RIPK2: variants seen among roughly 807,000 people sequenced by gnomAD.
RIPK2 encodes receptor-interacting serine/threonine-protein kinase 2.
Under a neutral mutation model 60.9 loss-of-function variants are expected in RIPK2, and 38 were observed. That is an observed-to-expected ratio of 0.62 (90% confidence interval 0.48 to 0.82). The LOEUF (loss-of-function observed/expected upper bound fraction) is 0.82. Ranked by LOEUF, RIPK2 falls within the 40% of genes least tolerant of loss-of-function variation. The pLI, the probability that RIPK2 is intolerant of heterozygous loss-of-function variation, is 0.00. For synonymous variants in RIPK2, 225 were observed against 223.4 expected (o/e 1.01, Z -0.06); for missense variants, 518 against 647.0 (o/e 0.80, Z 2.16).
chr8:89,765,369 C>T lies in RIPK2; in HGVS notation c.356C>T (p.Pro119Leu). The T allele has an allele frequency of 1.2e-6, 2 of 1,609,856 alleles. No homozygotes were observed. The highest frequency in any genetic ancestry group is 2.2e-5 in the East Asian group (1 of 44,694). Residue 119 changes from proline to leucine, a missense_variant, in exon 3 of 11, where the codon CCA becomes CTA. By Grantham distance (98) the Pro-to-Leu change is moderately conservative (BLOSUM62 -3). Coordinates refer to ENST00000220751, the MANE Select transcript of RIPK2 (RefSeq NM_003821.6). Reference protein sequence around the residue: ...RKTEYPDVAWPLRFRILHEIA... With the variant: ...RKTEYPDVAWLLRFRILHEIA... ...ACTGAATATCCTGATGTTGCTTGGC[C>T]ATTGAGATTTCGCATCCTGCATGAA...
At position 89,790,731 on chromosome 8, in the gene RIPK2, T is replaced by C; in HGVS notation, c.*315T>C. 1 of 224,656 alleles carries C rather than the reference T, an allele frequency of 4.5e-6. No individual in the cohort carries two copies. The highest frequency in any genetic ancestry group is 8.8e-6 in the Non-Finnish European group (1 of 113,652). 13.9% of individuals were successfully genotyped at this position (224,656 alleles called of 1,614,324 possible). ...GATGGAAGCCATTTTCACATTCATG[T>C]TCTTCATGGATTATTTGTTACTTGT... On this transcript the variant is annotated 3_prime_UTR_variant, in exon 11 of 11. Coordinates refer to ENST00000220751, the MANE Select transcript of RIPK2 (RefSeq NM_003821.6).
At chr8:89,760,987 TCA>T (rs773254375) in intron 1 of RIPK2, among the ~76,000 whole-genome samples, 5 of 152,204 alleles carry the variant, frequency 3.3e-5, no homozygotes, top group Non-Finnish European at 7.3e-5. Flanking sequence ...AAAATGGGTC[TCA>T]CAAACTGATA....
Position 89,784,119 on chromosome 8 carries a change from G to A in RIPK2, c.1009G>A (p.Val337Ile), listed in dbSNP as rs199850869. The A allele has an allele frequency of 3.3e-4, 277 of 848,890 alleles. No homozygotes were observed. The highest frequency in any genetic ancestry group is 3.2e-3 in the Middle Eastern group (9 of 2,824). 52.6% of individuals were successfully genotyped at this position (848,890 alleles called of 1,614,324 possible). A position where few individuals can be genotyped will look rare whatever the true frequency, so the allele number is the denominator to read the frequency against. ...KKMELSLNIP[V>I]NHGPQEESCG... is the part of the protein sequence containing the mutation. ...AATGGAATTATCTCTGAACATACCT[G>A]TAAATCATGGTCCACAAGAGGTAAA... Residue 337 changes from valine to isoleucine, a missense_variant, in exon 8 of 11, where the codon GTA (valine) becomes ATA (isoleucine). This residue lies in a region of RIPK2 where 448 missense variants were observed against 534.7 expected (regional missense o/e 0.84). Coordinates refer to ENST00000220751, the MANE Select transcript of RIPK2 (RefSeq NM_003821.6).
At position 89,762,811 on chromosome 8, in the gene RIPK2, T is replaced by C. The variant is rs1809168236; in HGVS notation, c.174-18T>C. On this transcript the variant is annotated intron_variant, in intron 1 of 10. Transcript: ENST00000220751. ...TATTTTTTTATTACTTGAATAATTA[T>C]GCATTTTTTTTTCTTAGTGAAAGAA... The C allele has an allele frequency of 1.6e-6, 2 of 1,276,486 alleles. No individual in the cohort carries two copies. The highest frequency in any genetic ancestry group is 2.6e-5 in the Admixed American group (1 of 39,154). The allele number at this position is 1,276,486 out of a possible 1,614,324, so 79.1% of individuals were successfully genotyped here.
chr8:89,788,942 G>A (rs1345060963), intron 9 of RIPK2, among the ~76,000 whole-genome samples: 1 of 152,220 alleles, frequency 6.6e-6, no homozygotes, highest in African/African-American at 2.4e-5. Flanking sequence ...TTAAGTCCCT[G>A]AGGCTCAGTG....
In RIPK2 at chr8:89,758,201, G is replaced by A. The variant is rs1386709789; in HGVS notation, c.141G>A (p.Lys47=). The change falls in exon 1 of 11, where the codon AAG becomes AAA. Residue 47 remains lysine, a synonymous_variant. Coordinates refer to ENST00000220751, the MANE Select transcript of RIPK2 (RefSeq NM_003821.6). ...HADWRVQVAV[K]HLHIHTPLLD... is the part of the protein sequence containing the mutation. ...ACTGGCGCGTCCAGGTGGCCGTGAAGCACCTGCACATCCACACTCCGCTGC... is the reference window on the plus strand; with the variant it reads ...ACTGGCGCGTCCAGGTGGCCGTGAAACACCTGCACATCCACACTCCGCTGC... 2 of 1,609,984 alleles carry A rather than the reference G, an allele frequency of 1.2e-6. No individual in the cohort carries two copies. The highest frequency in any genetic ancestry group is 3.3e-5 in the Admixed American group (2 of 59,802).
Position 89,788,300 on chromosome 8 carries a change from G to A in RIPK2, c.1124-1021G>A, listed in dbSNP as rs183684961. The stretch of plus-strand genomic sequence containing the variant: ...AGGGGTTGCAGTGAGCTGAGATTGC[G>A]CCACTGCACTCCATCCTGAGTGACA... On this transcript the variant is annotated intron_variant, in intron 9 of 10. Coordinates refer to ENST00000220751, the MANE Select transcript of RIPK2 (RefSeq NM_003821.6). 4.2e-4 allele frequency among the ~76,000 whole-genome samples: 64 copies of A among 150,840 alleles called. No individual in the cohort carries two copies. In the East Asian group the frequency reaches 0.012, roughly 28 times the overall value.
rs55784154 is a variant in RIPK2, at chr8:89,779,310, G to GTTTTTTTTTTTTTTTTTTTTTTT, written c.854-743_854-742insTTTTTTTTTTTTTTTTTTTTTTT. On this transcript the variant is annotated intron_variant, in intron 6 of 10. Coordinates refer to ENST00000220751, the MANE Select transcript of RIPK2 (RefSeq NM_003821.6). Reference sequence around the variant, plus strand: ...AGTCCAATTTTTAGGCGGTTTTTGGGTTTTTTTTTTTTTTTTTTTTTTGAG... The same window carrying GTTTTTTTTTTTTTTTTTTTTTTT: ...AGTCCAATTTTTAGGCGGTTTTTGGGTTTTTTTTTTTTTTTTTTTTTTTTTTTTTTTTTTTTTTTTTTTTTGAG... 2.5e-5 allele frequency among the ~76,000 whole-genome samples: 2 copies of GTTTTTTTTTTTTTTTTTTTTTTT among 79,094 alleles called. 1 individual carries two copies. Among genetic ancestry groups the GTTTTTTTTTTTTTTTTTTTTTTT allele is most frequent in the Non-Finnish European group, 4.2e-5 (2 of 47,182 alleles). 51.9% of individuals were successfully genotyped at this position (79,094 alleles called of 152,430 possible).
chr8:89,771,900 A>C (rs1809318914), intron 5 of RIPK2, 110 bp downstream of exon 5: 1 of 753,936 alleles, frequency 1.3e-6, no homozygotes, highest in African/African-American at 1.8e-5. Context: ...TTTGTGGAAA[A>C]CACACTAAAA....
rs145012807 is a variant in RIPK2, at chr8:89,789,330, A to C, written c.1133A>C (p.Gln378Pro). ...QDNDFLSRKA[Q>P]DCYFMKLHHC... ...ATGTTGTATTTTGTAGGAAAAGCTC[A>C]AGACTGTTATTTTATGAAGCTGCAT... The change falls in exon 10 of 11, where the codon CAA (glutamine) becomes CCA (proline). Residue 378 changes from glutamine (Q) to proline (P), a missense_variant. This residue lies in a region of RIPK2 where 448 missense variants were observed against 534.7 expected (regional missense o/e 0.84). Coordinates refer to ENST00000220751, the MANE Select transcript of RIPK2 (RefSeq NM_003821.6). 6.2e-7 allele frequency: 1 copy of C among 1,613,664 alleles called. No individual in the cohort carries two copies. Among genetic ancestry groups the C allele is most frequent in the Non-Finnish European group, 8.5e-7 (1 of 1,179,810 alleles).
chr8:89,790,558 TG>T lies in RIPK2; in HGVS notation c.*143del. The T allele has an allele frequency of 8.9e-6, 5 of 564,376 alleles. No individual in the cohort carries two copies. Among genetic ancestry groups the T allele is most frequent in the Non-Finnish European group, 1.5e-5 (5 of 335,094 alleles). The allele number at this position is 564,376 out of a possible 1,614,324, so 35.0% of individuals were successfully genotyped here. ...AAATATTAGTCTCCCTCCATGACAC[TG>T]CAGTATTTTTTTTAATTAATACAAG... On this transcript the variant is annotated 3_prime_UTR_variant, in exon 11 of 11. Transcript: ENST00000220751.
intron 6 of RIPK2, among the ~76,000 whole-genome samples, chr8:89,777,867 G>A (rs1159511056): frequency 1.3e-5 from 2 of 151,898 alleles, no homozygotes; most frequent in Non-Finnish European, 1.5e-5. Flanking sequence ...AGCAGATTCT[G>A]GGAACCTGAA....
At chr8:89,758,406 C>G (rs1183717095) in intron 1 of RIPK2, among the ~76,000 whole-genome samples, 173 bp downstream of exon 1, 5 of 152,188 alleles carry the variant, frequency 3.3e-5, no homozygotes, top group Non-Finnish European at 5.9e-5. Context: ...ACCCTTCAAG[C>G]TCTGGCACCG....
At chr8:89,763,494 CTCTT>C (rs1586117529) in intron 2 of RIPK2, among the ~76,000 whole-genome samples, 1 of 152,156 alleles carries the variant, frequency 6.6e-6, no homozygotes. Flanking sequence ...CAGTCACTCT[CTCTT>C]TGATTATGAA....
Position 89,786,629 on chromosome 8 carries a change from G to T in RIPK2, c.1066G>T (p.Gly356Cys). The change falls in exon 9 of 11, where the codon GGT (glycine) becomes TGT (cysteine). Residue 356 changes from glycine (G) to cysteine (C), a missense_variant. By Grantham distance (159) the Gly-to-Cys change is radical. Coordinates refer to ENST00000220751, the MANE Select transcript of RIPK2 (RefSeq NM_003821.6). The part of the protein sequence containing the change: ...CGSSQLHENS[G>C]SPETSRSLPA... ...ATCCTCTCAGCTCCATGAAAATAGT[G>T]GTTCTCCTGAAACTTCAAGGTCCCT... The T allele has an allele frequency of 6.2e-7, 1 of 1,600,646 alleles. No homozygotes were observed. The highest frequency in any genetic ancestry group is 8.5e-7 in the Non-Finnish European group (1 of 1,171,044).
intron 6 of RIPK2, among the ~76,000 whole-genome samples, chr8:89,774,154 A>G (rs921765106): frequency 2.6e-5 from 4 of 152,164 alleles, no homozygotes; most frequent in Non-Finnish European, 5.9e-5. Context: ...CATAACATGT[A>G]TCTGCTAAAG....
At chr8:89,784,206 C>T (rs987493824) in intron 8 of RIPK2, 67 bp downstream of exon 8, 9 of 1,031,812 alleles carry the variant, frequency 8.7e-6, no homozygotes, top group Non-Finnish European at 1.2e-5. Context: ...TTGAAAAAAT[C>T]ATTTGGTCTA....
intron 7 of RIPK2, among the ~76,000 whole-genome samples, chr8:89,783,643 C>G (rs1195543647): frequency 6.6e-6 from 1 of 152,112 alleles, no homozygotes; most frequent in African/African-American, 2.4e-5. Context: ...AGGCACAGTG[C>G]CTAAAATGTG....
chr8:89,775,601 T>C (rs1169946634), intron 6 of RIPK2, among the ~76,000 whole-genome samples: 5 of 151,804 alleles, frequency 3.3e-5, no homozygotes, highest in African/African-American at 9.7e-5. Flanking sequence ...GCTGGAGAGG[T>C]GGAGGAAATG....
Sources: allele counts gnomAD v4.1 joint callset (sites outside exome capture counted in the v4.1 genomes callset), GRCh38; gene constraint gnomAD v4.1.1; regional missense constraint gnomAD v4.1.1; transcripts MANE v1.5; gene names NCBI Gene and HGNC (gene_info 2026-07-23, HGNC 2026-07-21).